The following MAP1B variants were observed in gnomAD, a reference collection of about 807,000 sequenced individuals.
MAP1B encodes microtubule associated protein 1B, also known as microtubule-associated protein 1B.
Under a neutral mutation model 176.1 loss-of-function variants are expected in MAP1B, and 12 were observed. The ratio of observed to expected loss-of-function variants is 0.07; its 90% CI spans 0.04 to 0.11. The LOEUF (loss-of-function observed/expected upper bound fraction) is 0.11. Among genes scored for constraint, MAP1B ranks in the 10% least tolerant of loss-of-function variants. The pLI, the probability that MAP1B is intolerant of heterozygous loss-of-function variation, is 1.00. For synonymous variants in MAP1B, 1,044 were observed against 1,135.0 expected (o/e 0.92, Z 1.61); for missense variants, 2,523 against 2,990.5 (o/e 0.84, Z 3.65).
At chr5:72,126,068 C>T (rs901581699) in intron 2 of MAP1B, among the ~76,000 whole-genome samples, 3 of 152,162 alleles carry the variant, frequency 2.0e-5, no homozygotes, top group Admixed American at 2.0e-4. Context: ...TGTTTCACTG[C>T]CCTGAGGCTA....
rs755722831 is a variant in MAP1B at position 72,197,318 on chromosome 5, G to A, written c.3963G>A (p.Val1321=). Residue 1321 remains valine (V), a synonymous_variant, in exon 5 of 7, where the codon GTG becomes GTA. Transcript: ENST00000296755. ...ASPEDKTLEV[V]SPSQSVTGSA... is the part of the protein sequence containing the mutation. Reference sequence around the variant, plus strand: ...CTGAGGACAAGACTCTGGAAGTGGTGTCACCATCTCAGTCCGTGACTGGCA... The same window carrying A: ...CTGAGGACAAGACTCTGGAAGTGGTATCACCATCTCAGTCCGTGACTGGCA... 1 of 1,614,190 alleles carries A rather than the reference G, an allele frequency of 6.2e-7. No homozygotes were observed. The highest frequency in any genetic ancestry group is 8.5e-7 in the Non-Finnish European group (1 of 1,180,028).
chr5:72,129,140 G>T (rs1171057220), intron 2 of MAP1B, among the ~76,000 whole-genome samples: 1 of 152,206 alleles, frequency 6.6e-6, no homozygotes, highest in East Asian at 1.9e-4. Context: ...AGACAAGGTT[G>T]TCTAGCTAAT....
chr5:72,130,184 GA>G (rs753070848), intron 2 of MAP1B, among the ~76,000 whole-genome samples: 471 of 31,210 alleles, frequency 0.015, 3 homozygotes, highest in South Asian at 0.032. Context: ...AAGAAAAGTG[GA>G]AAAAAAAAAA....
In MAP1B at chr5:72,199,212, G is replaced by A; in HGVS notation, c.5857G>A (p.Gly1953Ser). Reference protein sequence around the residue: ...IEKTTRTPEEGGYSYDISEKT... With the variant: ...IEKTTRTPEESGYSYDISEKT... ...GAAGACCACACGGACCCCTGAAGAG[G>A]GTGGGTACTCATATGACATAAGTGA... The change falls in exon 5 of 7, where the codon GGT becomes AGT. Residue 1953 changes from glycine to serine, a missense_variant. Physicochemically the swap from Gly to Ser is moderately conservative, Grantham distance 56. This residue lies in a region of MAP1B where 1,925 missense variants were observed against 2,126.0 expected (regional missense o/e 0.91). Coordinates refer to ENST00000296755, the MANE Select transcript of MAP1B (RefSeq NM_005909.5). This position sits in a 1 kb window ranked among gnomAD's most constrained non-coding sequence, Gnocchi z 4.2. 6.2e-7 allele frequency: 1 copy of A among 1,613,936 alleles called. No individual in the cohort carries two copies. Among genetic ancestry groups the A allele is most frequent in the Non-Finnish European group, 8.5e-7 (1 of 1,179,948 alleles).
At chr5:72,112,871 A>G (rs1004780975) in intron 1 of MAP1B, among the ~76,000 whole-genome samples, 7 of 152,172 alleles carry the variant, frequency 4.6e-5, no homozygotes, top group Non-Finnish European at 7.3e-5. Context: ...TGAAAATTAG[A>G]AAGAGGGCTT....
chr5:72,183,528 C>T (rs1004599234), intron 2 of MAP1B, among the ~76,000 whole-genome samples: 2 of 152,190 alleles, frequency 1.3e-5, no homozygotes, highest in African/African-American at 2.4e-5. Context: ...GAGGAGCCCC[C>T]GACCACACAA....
chr5:72,118,006 G>A (rs1235133320), intron 2 of MAP1B, among the ~76,000 whole-genome samples: 1 of 152,196 alleles, frequency 6.6e-6, no homozygotes, highest in Non-Finnish European at 1.5e-5. Context: ...GATGATCACT[G>A]GATTGGGCCC....
chr5:72,182,798 G>A (rs997356587), intron 2 of MAP1B, among the ~76,000 whole-genome samples: 4 of 152,148 alleles, frequency 2.6e-5, no homozygotes, highest in Non-Finnish European at 5.9e-5. Context: ...TCCCAACCAT[G>A]CGTCTCCCTC....
At chr5:72,171,180 G>C (rs1233555355) in intron 2 of MAP1B, among the ~76,000 whole-genome samples, 1 of 152,160 alleles carries the variant, frequency 6.6e-6, no homozygotes, top group Non-Finnish European at 1.5e-5. Flanking sequence ...AGCAAATATG[G>C]TGGCTTTTCG....
At chr5:72,173,877 C>G (rs961657590) in intron 2 of MAP1B, among the ~76,000 whole-genome samples, 1 of 152,218 alleles carries the variant, frequency 6.6e-6, no homozygotes, top group South Asian at 2.1e-4. Flanking sequence ...GCTGTAATCA[C>G]AGTACTTTGG....
At chr5:72,182,052 C>T (rs531735917) in intron 2 of MAP1B, among the ~76,000 whole-genome samples, 23 of 112,648 alleles carry the variant, frequency 2.0e-4, no homozygotes, top group African/African-American at 7.9e-4. Flanking sequence ...TTTGGAGACA[C>T]GGGGTCTCAC....
chr5:72,196,109 G>C lies in MAP1B; in HGVS notation c.2754G>C (p.Gln918His). The C allele has an allele frequency of 6.2e-7, 1 of 1,613,980 alleles. No homozygotes were observed. The highest frequency in any genetic ancestry group is 8.5e-7 in the Non-Finnish European group (1 of 1,179,998). Residue 918 changes from glutamine to histidine, a missense_variant, in exon 5 of 7, where the codon CAG becomes CAC. By Grantham distance (24) the Gln-to-His change is conservative (BLOSUM62 0). Coordinates refer to ENST00000296755, the MANE Select transcript of MAP1B (RefSeq NM_005909.5). The surrounding 1 kb of genome is among the most constrained non-coding windows in gnomAD (Gnocchi z 5.3). ...TPEELEPVEK[Q>H]GVDDIEKFED... is the part of the protein sequence containing the mutation. ...AGGAGCTGGAGCCCGTCGAGAAGCA[G>C]GGAGTAGACGACATTGAAAAATTTG...
Position 72,205,252 on chromosome 5 carries a change from G to C in MAP1B, c.*13G>C. ...GATTGAACTGTAAAAACCAAGGCCA[G>C]CCACACCACAGGATCTGAACTTTGT... On this transcript the variant is annotated 3_prime_UTR_variant, in exon 7 of 7. Coordinates refer to ENST00000296755, the MANE Select transcript of MAP1B (RefSeq NM_005909.5). 1.2e-6 allele frequency: 2 copies of C among 1,604,586 alleles called. No individual in the cohort carries two copies. Among genetic ancestry groups the C allele is most frequent in the East Asian group, 2.2e-5 (1 of 44,820 alleles).
At position 72,178,121 on chromosome 5, in the gene MAP1B, G is replaced by T. The variant is rs141475132; in HGVS notation, c.287-5622G>T. ...GGGTTCAAGTGATCCTCGTGCCTCAGCCTCCCAAGTAGCTGGGATTACAGG... is the reference window on the plus strand; with the variant it reads ...GGGTTCAAGTGATCCTCGTGCCTCATCCTCCCAAGTAGCTGGGATTACAGG... On this transcript the variant is annotated intron_variant, in intron 2 of 6. Transcript: ENST00000296755. 6.1e-3 allele frequency among the ~76,000 whole-genome samples: 928 copies of T among 152,270 alleles called. 6 individuals are homozygous for T. The highest frequency in any genetic ancestry group is 0.021 in the African/African-American group (859 of 41,552).
At chr5:72,137,277 G>A (rs1025649178) in intron 2 of MAP1B, among the ~76,000 whole-genome samples, 42 of 152,270 alleles carry the variant, frequency 2.8e-4, no homozygotes, top group African/African-American at 8.9e-4. Context: ...TATTGCTATA[G>A]TCAATCATCT....
intron 2 of MAP1B, among the ~76,000 whole-genome samples, chr5:72,149,401 A>G (rs1008762632): frequency 6.6e-6 from 1 of 152,178 alleles, no homozygotes; most frequent in African/African-American, 2.4e-5. Flanking sequence ...CGGTAAGCAA[A>G]ATCTCGTTTT....
intron 2 of MAP1B, among the ~76,000 whole-genome samples, chr5:72,158,453 G>T (rs559267752): frequency 5.3e-5 from 8 of 152,316 alleles, no homozygotes; most frequent in African/African-American, 1.9e-4. Context: ...TTGGAGAAAA[G>T]AAAGAGGAGA....
intron 2 of MAP1B, among the ~76,000 whole-genome samples, chr5:72,118,040 A>T (rs1745464156): frequency 6.6e-6 from 1 of 152,252 alleles, no homozygotes; most frequent in Non-Finnish European, 1.5e-5. Flanking sequence ...GCTTTTCCTG[A>T]ACAAACTGGA....
At chr5:72,150,437 T>A (rs1275959466) in intron 2 of MAP1B, among the ~76,000 whole-genome samples, 2 of 152,254 alleles carry the variant, frequency 1.3e-5, no homozygotes, top group African/African-American at 4.8e-5. Context: ...CAGTGAGGGA[T>A]AACTTAAGCC....
Sources: gnomAD v4.1 joint callset for allele counts (sites outside exome capture counted in the v4.1 genomes callset) on GRCh38, gnomAD v4.1.1 for gene constraint, gnomAD v4.1.1 regional missense constraint, Gnocchi (gnomAD v3.1) non-coding constraint, MANE v1.5 for transcripts, NCBI Gene and HGNC (gene_info 2026-07-23, HGNC 2026-07-21) for gene names.